The following EPS8L3 variants were observed in gnomAD, a reference collection of about 807,000 sequenced individuals.
EPS8L3 encodes epidermal growth factor receptor kinase substrate 8-like protein 3.
EPS8L3 carries 80 observed loss-of-function variants against 88.5 expected under a neutral mutation model. The ratio of observed to expected loss-of-function variants is 0.90; its 90% confidence interval spans 0.75 to 1.09. EPS8L3 has a LOEUF of 1.09. Ranked by LOEUF, EPS8L3 falls within the 50% of genes least tolerant of loss-of-function variation. The pLI is 0.00. For missense variants in EPS8L3, 721 were observed against 735.2 expected, an observed-to-expected ratio of 0.98 and a Z score of 0.22; for synonymous variants, 286 against 291.0, an observed-to-expected ratio of 0.98 and a Z score of 0.18.
intron 1 of EPS8L3, among the ~76,000 whole-genome samples, chr1:109,762,209 T>G (rs1461577805): frequency 6.6e-6 from 1 of 152,166 alleles, no homozygotes; most frequent in Non-Finnish European, 1.5e-5. Flanking sequence ...TCGACCCTGT[T>G]TCAGTTCTGC....
At chr1:109,763,623 G>A (rs982865945) in intron 1 of EPS8L3, among the ~76,000 whole-genome samples, 199 bp downstream of exon 1, 6 of 152,172 alleles carry the variant, frequency 3.9e-5, no homozygotes, top group Admixed American at 6.5e-5. Context: ...AGGCCCTTCC[G>A]GAGCCTGGAC....
In EPS8L3 at chr1:109,753,205, A is replaced by G; in HGVS notation, c.1119-7T>C. ...ATCGCCTGTCCAGTCGGCCCTGAAG[A>G]GGGAAACAAAGCTGAGTTCACATCC... is the stretch of plus-strand genomic sequence containing the variant. On this transcript the variant is annotated splice_region_variant and splice_polypyrimidine_tract_variant and intron_variant, in intron 12 of 18. Coordinates refer to ENST00000361965, the MANE Select transcript of EPS8L3 (RefSeq NM_133181.4). The G allele has an allele frequency of 6.3e-7, 1 of 1,598,262 alleles. No individual in the cohort carries two copies. The highest frequency in any genetic ancestry group is 8.5e-7 in the Non-Finnish European group (1 of 1,171,694).
chr1:109,759,111 G>A lies in EPS8L3; in HGVS notation c.412C>T (p.Arg138Ter), dbSNP rs751174917. 27 of 1,611,448 alleles carry A rather than the reference G, an allele frequency of 1.7e-5. No individual in the cohort carries two copies. The highest frequency in any genetic ancestry group is 3.3e-5 in the Admixed American group (2 of 59,818). The change falls in exon 6 of 19, where the codon CGA becomes TGA. Residue 138 changes from arginine to a stop codon, truncating the protein, a stop_gained. Coordinates refer to ENST00000361965, the MANE Select transcript of EPS8L3 (RefSeq NM_133181.4). LOFTEE classifies it high-confidence loss of function. This position sits in a 1 kb window ranked among gnomAD's most constrained non-coding sequence, Gnocchi z 4.2. ...GCCTTCTGCAGGCTGGTCTTCAGTC[G>A]CTCTGCCTGGGAAGCAGCAGTCAGG... Reference protein sequence around the residue: ...LFQCQEVGAERLKTSLQKALE... With the variant: ...LFQCQEVGAE
chr1:109,753,352 G>A (rs767596164), intron 12 of EPS8L3, among the ~76,000 whole-genome samples, 154 bp from the exon 13 acceptor site: 2 of 152,188 alleles, frequency 1.3e-5, no homozygotes, highest in Non-Finnish European at 1.5e-5. Context: ...AAGGCCCCAG[G>A]ACACCCACAA....
At chr1:109,756,388 A>G (rs1403870471) in intron 12 of EPS8L3, among the ~76,000 whole-genome samples, 1 of 152,122 alleles carries the variant, frequency 6.6e-6, no homozygotes, top group Non-Finnish European at 1.5e-5. Context: ...ACAGGCATGC[A>G]CCACTACACC....
chr1:109,756,378 A>G (rs1409752252), intron 12 of EPS8L3, among the ~76,000 whole-genome samples: 1 of 152,190 alleles, frequency 6.6e-6, no homozygotes, highest in Non-Finnish European at 1.5e-5. Flanking sequence ...AGCTGGGTTT[A>G]CAGGCATGCA....
At chr1:109,751,596 C>G (rs757227364) in intron 16 of EPS8L3, 58 bp downstream of exon 16, 24 of 1,611,210 alleles carry the variant, frequency 1.5e-5, no homozygotes, top group Non-Finnish European at 2.0e-5. Flanking sequence ...CTGAATCCTC[C>G]CCACCCCGAC....
intron 3 of EPS8L3, among the ~76,000 whole-genome samples, chr1:109,761,047 G>A (rs1353174158): frequency 6.6e-6 from 1 of 151,988 alleles, no homozygotes; most frequent in Non-Finnish European, 1.5e-5. Flanking sequence ...TCCAACAGTG[G>A]CCCTCTCAAT....
At chr1:109,752,544 A>G (rs571584190) in intron 14 of EPS8L3, 142 bp downstream of exon 14, 6 of 745,028 alleles carry the variant, frequency 8.1e-6, no homozygotes, top group Non-Finnish European at 1.4e-5. Flanking sequence ...CCAAGGTAGG[A>G]GAGGGATGTC....
Position 109,757,082 on chromosome 1 carries a change from C to G in EPS8L3, c.1053G>C (p.Gln351His), listed in dbSNP as rs1275250816. ...TACTCTCAGGTGGGCTTAGACAGGA[C>G]TGTAGCAGGTTGATAGCTTTAGGGG... ...LLTPKAINLLQSCLSPPESNL... is the reference protein window; with the variant it reads ...LLTPKAINLLHSCLSPPESNL... The change falls in exon 12 of 19, where the codon CAG becomes CAC. Residue 351 changes from glutamine (Q) to histidine (H), a missense_variant. By Grantham distance (24) the Gln-to-His change is conservative. Transcript: ENST00000361965. 2 of 1,614,186 alleles carry G rather than the reference C, an allele frequency of 1.2e-6. No homozygotes were observed. Among genetic ancestry groups the G allele is most frequent in the East Asian group, 2.2e-5 (1 of 44,878 alleles).
At chr1:109,750,461 A>G in intron 18 of EPS8L3, 59 bp from the exon 19 acceptor site, 2 of 1,608,208 alleles carry the variant, frequency 1.2e-6, no homozygotes, top group East Asian at 2.2e-5. Context: ...TGCAGAGCTT[A>G]TGCCACCAAT....
At chr1:109,751,420 G>C (rs910312270) in intron 16 of EPS8L3, 69 bp from the exon 17 acceptor site, 11 of 1,504,660 alleles carry the variant, frequency 7.3e-6, no homozygotes, top group Non-Finnish European at 1.0e-5. Flanking sequence ...CCTAACATCT[G>C]GGTCCCTTCT....
In EPS8L3 at chr1:109,759,330, T is replaced by C. The variant is rs1268811004; in HGVS notation, c.313A>G (p.Thr105Ala). 5.0e-6 allele frequency: 8 copies of C among 1,614,126 alleles called. No individual in the cohort carries two copies. The highest frequency in any genetic ancestry group is 6.8e-6 in the Non-Finnish European group (8 of 1,180,014). ...SIQAMNVALN[T>A]CSYNSILSIT... ...GACAGGATGGAGTTGTAGGAACATG[T>C]GTTGAGCGCCACATTCATGGCCTGG... Residue 105 changes from threonine (T) to alanine (A), a missense_variant, in exon 5 of 19, where the codon ACA (threonine) becomes GCA (alanine). Coordinates refer to ENST00000361965, the MANE Select transcript of EPS8L3 (RefSeq NM_133181.4). The surrounding 1 kb of genome is among the most constrained non-coding windows in gnomAD (Gnocchi z 4.2).
chr1:109,750,814 C>T, intron 17 of EPS8L3, 22 bp from the exon 18 acceptor site: 2 of 1,613,800 alleles, frequency 1.2e-6, no homozygotes, highest in Non-Finnish European at 1.7e-6. Context: ...ACAGCAAAAG[C>T]CATCCGTGGT....
At chr1:109,750,515 C>T (rs1291029166) in intron 18 of EPS8L3, 113 bp from the exon 19 acceptor site, 4 of 1,580,384 alleles carry the variant, frequency 2.5e-6, no homozygotes, top group Non-Finnish European at 3.5e-6. Context: ...GAAGCTAAGC[C>T]CCTGGGGGAA....
intron 1 of EPS8L3, 115 bp from the exon 2 acceptor site, chr1:109,761,888 A>C: frequency 1.1e-6 from 1 of 872,290 alleles, no homozygotes; most frequent in Non-Finnish European, 1.8e-6. Context: ...ACCAGACCCA[A>C]AGCCCCTGGC....
At position 109,759,200 on chromosome 1, in the gene EPS8L3, TGA is replaced by T. The variant is rs2101502505; in HGVS notation, c.405+36_405+37del. On this transcript the variant is annotated intron_variant, in intron 5 of 18. Coordinates refer to ENST00000361965, the MANE Select transcript of EPS8L3 (RefSeq NM_133181.4). This position sits in a 1 kb window ranked among gnomAD's most constrained non-coding sequence, Gnocchi z 4.2. ...GTGTGTGTGGTGGGGTGATGGTCGA[TGA>T]ACCCCACCCCTGACCAATCACCCCC... The T allele has an allele frequency of 1.2e-6, 2 of 1,602,902 alleles. No homozygotes were observed. The highest frequency in any genetic ancestry group is 1.7e-6 in the Non-Finnish European group (2 of 1,171,662).
intron 17 of EPS8L3, 126 bp from the exon 18 acceptor site, chr1:109,750,918 A>G (rs754982846): frequency 5.3e-6 from 6 of 1,131,870 alleles, no homozygotes; most frequent in East Asian, 2.6e-5. Flanking sequence ...GGAGTAGGCT[A>G]TCTGAGATTG....
intron 3 of EPS8L3, among the ~76,000 whole-genome samples, chr1:109,760,911 G>C (rs1269434793): frequency 1.3e-5 from 2 of 152,114 alleles, no homozygotes; most frequent in Non-Finnish European, 2.9e-5. Flanking sequence ...CAGCCCTTCA[G>C]GCACCTAAAT....
Sources: allele counts gnomAD v4.1 joint callset (sites outside exome capture counted in the v4.1 genomes callset), GRCh38; gene constraint gnomAD v4.1.1; non-coding constraint Gnocchi (gnomAD v3.1); transcripts MANE v1.5; gene names NCBI Gene and HGNC (gene_info 2026-07-23, HGNC 2026-07-21).